The following LINGO2 variants were observed in gnomAD, a reference collection of about 807,000 sequenced individuals.
The protein encoded by LINGO2 is leucine-rich repeat and immunoglobulin-like domain-containing nogo receptor-interacting protein 2.
A neutral mutation model predicts 30.6 loss-of-function variants in LINGO2; 14 were observed. That is an observed-to-expected ratio of 0.46 (90% CI 0.30 to 0.72). The LOEUF is 0.72. Among genes scored for constraint, LINGO2 ranks in the 30% least tolerant of loss-of-function variants. The pLI, the probability that LINGO2 is intolerant of heterozygous loss-of-function variation, is 0.07. For synonymous variants in LINGO2, 317 were observed against 288.5 expected, an observed-to-expected ratio of 1.10 and a Z score of -1.00; for missense variants, 729 against 751.7, an observed-to-expected ratio of 0.97 and a Z score of 0.35.
At chr9:28,146,573 T>A (rs1221481108) in intron 4 of LINGO2, among the ~76,000 whole-genome samples, 4 of 148,782 alleles carry the variant, frequency 2.7e-5, no homozygotes, top group East Asian at 4.0e-4. Context: ...TTTTTTTTTT[T>A]AACTTCTTGC....
chr9:28,942,054 G>A, the LINGO2 span, among the ~76,000 whole-genome samples: 5 of 151,898 alleles, frequency 3.3e-5, no homozygotes, highest in Non-Finnish European at 5.9e-5. Flanking sequence ...CCTCACCAAC[G>A]TTTTTATCCC....
the LINGO2 span, among the ~76,000 whole-genome samples, chr9:29,204,507 G>C: frequency 6.6e-6 from 1 of 152,188 alleles, no homozygotes; most frequent in East Asian, 1.9e-4. Context: ...ACACAAAAGA[G>C]GTACCCAATA....
At chr9:28,053,387 A>G (rs1281202786) in intron 4 of LINGO2, among the ~76,000 whole-genome samples, 1 of 151,514 alleles carries the variant, frequency 6.6e-6, no homozygotes, top group Non-Finnish European at 1.5e-5. Context: ...AAGCAAGATC[A>G]TAAAAAAACT....
chr9:28,958,130 C>A, the LINGO2 span, among the ~76,000 whole-genome samples: 1 of 152,132 alleles, frequency 6.6e-6, no homozygotes, highest in African/African-American at 2.4e-5. Context: ...TAGTAGCCAA[C>A]AGATGACCAT....
intron 5 of LINGO2, among the ~76,000 whole-genome samples, chr9:27,986,119 A>G (rs535912047): frequency 6.2e-4 from 94 of 151,728 alleles, no homozygotes; most frequent in African/African-American, 2.1e-3. Context: ...ATTCTTACTT[A>G]CAAACCTTGG....
intron 1 of LINGO2, among the ~76,000 whole-genome samples, chr9:28,591,426 C>T (rs1415127188): frequency 2.0e-5 from 3 of 151,984 alleles, no homozygotes; most frequent in Middle Eastern, 3.2e-3. Context: ...TTATGACTGT[C>T]TCCCACTTCC....
chr9:28,919,065 C>T, the LINGO2 span, among the ~76,000 whole-genome samples: 1 of 152,166 alleles, frequency 6.6e-6, no homozygotes, highest in Non-Finnish European at 1.5e-5. Flanking sequence ...TACTTCAATG[C>T]AGACATTCCT....
chr9:28,229,051 C>G (rs1821267282), intron 4 of LINGO2, among the ~76,000 whole-genome samples: 1 of 151,736 alleles, frequency 6.6e-6, no homozygotes, highest in South Asian at 2.1e-4. Flanking sequence ...TGGATACACA[C>G]TAAAACCTAA....
At chr9:28,316,963 T>A (rs1313397346) in intron 3 of LINGO2, among the ~76,000 whole-genome samples, 1 of 152,210 alleles carries the variant, frequency 6.6e-6, no homozygotes, top group Non-Finnish European at 1.5e-5. Flanking sequence ...ACATGCTACA[T>A]GCACTATGCT....
chr9:29,139,928 T>C, the LINGO2 span, among the ~76,000 whole-genome samples: 16,723 of 151,138 alleles, frequency 0.11, 1,090 homozygotes, highest in Middle Eastern at 0.14. Flanking sequence ...TGCAGAGCCA[T>C]AGACAGACAG....
At chr9:28,137,256 A>G (rs1441564691) in intron 4 of LINGO2, among the ~76,000 whole-genome samples, 1 of 151,738 alleles carries the variant, frequency 6.6e-6, no homozygotes, top group African/African-American at 2.4e-5. Flanking sequence ...AACCCTGGCA[A>G]ATATATACAT....
chr9:29,165,883 C>G, the LINGO2 span, among the ~76,000 whole-genome samples: 2 of 152,024 alleles, frequency 1.3e-5, no homozygotes, highest in African/African-American at 4.8e-5. Context: ...AAGAATCCAT[C>G]AAGGTTCATT....
Position 28,065,621 on chromosome 9 carries a change from C to T in LINGO2, c.-86-53216G>A, listed in dbSNP as rs144300490. Among the ~76,000 whole-genome samples, 795 of 152,160 alleles carry T rather than the reference C, an allele frequency of 5.2e-3. 16 individuals are homozygous for T. The highest frequency in any genetic ancestry group is 0.046 in the South Asian group (223 of 4,806). ...GTGTAAGATAGATTCATGACACTGGCTACTAAATAAGTGAAACTCCTCCAT... is the reference window on the plus strand; with the variant it reads ...GTGTAAGATAGATTCATGACACTGGTTACTAAATAAGTGAAACTCCTCCAT... On this transcript the variant is annotated intron_variant, in intron 4 of 5. Transcript: ENST00000379992.
chr9:28,510,931 TCGAGTG>T (rs1820358912), intron 1 of LINGO2, among the ~76,000 whole-genome samples: 1 of 152,016 alleles, frequency 6.6e-6, no homozygotes, highest in South Asian at 2.1e-4. Flanking sequence ...GCAGGAAGCA[TCGAGTG>T]CGGGAGAAAG....
intron 3 of LINGO2, among the ~76,000 whole-genome samples, chr9:28,304,099 G>C (rs1824251034): frequency 2.6e-5 from 4 of 151,790 alleles, no homozygotes; most frequent in Non-Finnish European, 5.9e-5. Context: ...CTCTCCATAT[G>C]CCTGTTTTGT....
the LINGO2 span, among the ~76,000 whole-genome samples, chr9:28,871,227 T>C: frequency 1.1e-4 from 16 of 151,530 alleles, no homozygotes; most frequent in Non-Finnish European, 1.9e-4. Flanking sequence ...ATTTAAATAA[T>C]ATATAAATAC....
chr9:28,706,242 A>G, the LINGO2 span, among the ~76,000 whole-genome samples: 1 of 152,106 alleles, frequency 6.6e-6, no homozygotes, highest in Non-Finnish European at 1.5e-5. Flanking sequence ...CATTTAAAGC[A>G]TGCAACAGTA....
At chr9:28,894,264 C>T in the LINGO2 span, among the ~76,000 whole-genome samples, 10 of 152,078 alleles carry the variant, frequency 6.6e-5, no homozygotes, top group Non-Finnish European at 1.0e-4. Context: ...TGGGTATATA[C>T]CCAGTTTGAC....
chr9:28,145,724 A>T (rs2133520061), intron 4 of LINGO2, among the ~76,000 whole-genome samples: 1 of 152,202 alleles, frequency 6.6e-6, no homozygotes, highest in South Asian at 2.1e-4. Flanking sequence ...ACCAAGAGTC[A>T]TTAAGCTTCC....
Sources: allele counts gnomAD v4.1 joint callset (sites outside exome capture counted in the v4.1 genomes callset), GRCh38; gene constraint gnomAD v4.1.1; transcripts MANE v1.5; gene names NCBI Gene and HGNC (gene_info 2026-07-23, HGNC 2026-07-21).